KIR3DL1: variants seen among roughly 807,000 people sequenced by gnomAD.
The protein encoded by KIR3DL1 is killer cell immunoglobulin-like receptor 3DL1.
Under a neutral mutation model 40.3 loss-of-function variants are expected in KIR3DL1, and 50 were observed. The observed-to-expected ratio is 1.24, with a 90% confidence interval of 0.99 to 1.57. KIR3DL1 has a LOEUF of 1.57. Ranked by LOEUF, KIR3DL1 falls within the 40% of genes most tolerant of loss-of-function variation. The pLI, the probability that KIR3DL1 is intolerant of heterozygous loss-of-function variation, is 0.00. For missense variants in KIR3DL1, 661 were observed against 559.9 expected, an observed-to-expected ratio of 1.18 and a Z score of -1.82; for synonymous variants, 257 against 207.2, an observed-to-expected ratio of 1.24 and a Z score of -2.07.
Position 54,818,312 on chromosome 19 carries a change from C to G in KIR3DL1, c.71-3C>G, listed in dbSNP as rs1224815212. ...TCTAAGGCAGTGCCTCCTTCTCCCC[C>G]AGGTGGTCAGGACAAACCCTTCCTG... On this transcript the variant is annotated splice_region_variant and splice_polypyrimidine_tract_variant and intron_variant, in intron 2 of 8. Coordinates refer to ENST00000391728, the Ensembl canonical transcript of KIR3DL1. The G allele has an allele frequency of 1.3e-6, 2 of 1,596,618 alleles. No homozygotes were observed. Among genetic ancestry groups the G allele is most frequent in the South Asian group, 1.1e-5 (1 of 89,788 alleles).
chr19:54,819,721 A>G, exon 4 of KIR3DL1: 1 of 1,608,284 alleles, frequency 6.2e-7, no homozygotes. Flanking sequence ...AGGAAACCAC[A>G]GAAAACCTTC....
chr19:54,824,126 T>C (rs2061769671), intron 5 of KIR3DL1, among the ~76,000 whole-genome samples: 1 of 151,694 alleles, frequency 6.6e-6, no homozygotes, highest in Non-Finnish European at 1.5e-5. Flanking sequence ...ATTTTTTGCT[T>C]TGATTACTTG....
intron 4 of KIR3DL1, among the ~76,000 whole-genome samples, chr19:54,821,144 G>A (rs544083484): frequency 1.3e-5 from 2 of 150,270 alleles, no homozygotes; most frequent in South Asian, 4.3e-4. Context: ...TAGATAGACA[G>A]ACAGACAATT....
At chr19:54,826,554 A>G (rs1219832717) in intron 6 of KIR3DL1, among the ~76,000 whole-genome samples, 5 of 146,798 alleles carry the variant, frequency 3.4e-5, no homozygotes, top group South Asian at 2.2e-4. Flanking sequence ...TCCCAACCTC[A>G]AGTGATCCGA....
intron 5 of KIR3DL1, among the ~76,000 whole-genome samples, chr19:54,823,054 G>A (rs1268350075): frequency 1.4e-5 from 2 of 147,370 alleles, no homozygotes. Context: ...TCTTTTTTGA[G>A]AAAGAGTTTC....
In KIR3DL1 at chr19:54,818,301, T is replaced by G; in HGVS notation, c.71-14T>G. ...ACATCCTCCTCTCTAAGGCAGTGCC[T>G]CCTTCTCCCCCAGGTGGTCAGGACA... On this transcript the variant is annotated splice_polypyrimidine_tract_variant and intron_variant, in intron 2 of 8. Coordinates refer to ENST00000391728, the Ensembl canonical transcript of KIR3DL1. The G allele has an allele frequency of 6.3e-7, 1 of 1,593,200 alleles. No homozygotes were observed. Among genetic ancestry groups the G allele is most frequent in the Non-Finnish European group, 8.5e-7 (1 of 1,169,918 alleles).
chr19:54,821,970 G>C, intron 5 of KIR3DL1, 112 bp downstream of exon 5: 4 of 1,322,486 alleles, frequency 3.0e-6, no homozygotes, highest in Non-Finnish European at 4.2e-6. Flanking sequence ...AGACACAGCA[G>C]GTGTGAGGGC....
intron 6 of KIR3DL1, among the ~76,000 whole-genome samples, chr19:54,828,685 G>A (rs1432923316): frequency 6.7e-6 from 1 of 149,512 alleles, no homozygotes; most frequent in Non-Finnish European, 1.5e-5. Context: ...AGACAGCCCA[G>A]GCTGTTCTGG....
chr19:54,817,396 G>A (rs1601297325), intron 1 of KIR3DL1, 138 bp from the exon 2 acceptor site: 1 of 758,152 alleles, frequency 1.3e-6, no homozygotes, highest in East Asian at 3.1e-5. Flanking sequence ...CCTTGTTCCT[G>A]GGGGCAGGTA....
At chr19:54,820,109 G>A in intron 4 of KIR3DL1, 97 bp downstream of exon 4, 1 of 1,316,312 alleles carries the variant, frequency 7.6e-7, no homozygotes, top group Non-Finnish European at 1.1e-6. Flanking sequence ...AGATAAGTGT[G>A]GGATTCTTAT....
intron 4 of KIR3DL1, among the ~76,000 whole-genome samples, 153 bp from the exon 5 acceptor site, chr19:54,821,412 G>A (rs907631868): frequency 4.0e-5 from 6 of 150,630 alleles, no homozygotes; most frequent in African/African-American, 1.2e-4. Context: ...AAGGTAGAAG[G>A]AGGAAACAGA....
intron 3 of KIR3DL1, 136 bp downstream of exon 3, chr19:54,818,735 A>G: frequency 8.6e-7 from 1 of 1,157,028 alleles, no homozygotes; most frequent in Non-Finnish European, 1.2e-6. Context: ...TACAGGGGAA[A>G]TGGGTGCTGT....
rs1238792895 is a variant in KIR3DL1 at position 54,827,582 on chromosome 19, T to C, written c.1001-1779T>C. 2.7e-5 allele frequency among the ~76,000 whole-genome samples: 4 copies of C among 150,022 alleles called. 1 individual carries two copies. The highest frequency in any genetic ancestry group is 1.0e-4 in the African/African-American group (4 of 40,054). On this transcript the variant is annotated intron_variant, in intron 6 of 8. Transcript: ENST00000391728. ...GTGAGTGGAGATCGCATCACTGCAC[T>C]CCAGCCTGGGTGACACAAGGAGACT...
At chr19:54,825,672 T>A (rs577530957) in intron 6 of KIR3DL1, among the ~76,000 whole-genome samples, 1 of 150,608 alleles carries the variant, frequency 6.6e-6, no homozygotes, top group Non-Finnish European at 1.5e-5. Context: ...AACGGTTTTT[T>A]AATTATCTTA....
At chr19:54,823,281 C>G (rs1364169592) in intron 5 of KIR3DL1, among the ~76,000 whole-genome samples, 4 of 151,032 alleles carry the variant, frequency 2.6e-5, no homozygotes, top group Non-Finnish European at 5.9e-5. Context: ...AAGTGAGGTG[C>G]CTGCCTCGGT....
chr19:54,821,764 C>T, exon 5 of KIR3DL1: 2 of 1,607,922 alleles, frequency 1.2e-6, no homozygotes, highest in Non-Finnish European at 1.7e-6. Context: ...TGGGCCCTGC[C>T]ACCCACGGAG....
chr19:54,820,359 C>T (rs2061573538), intron 4 of KIR3DL1, among the ~76,000 whole-genome samples: 1 of 151,506 alleles, frequency 6.6e-6, no homozygotes, highest in Non-Finnish European at 1.5e-5. Flanking sequence ...GTTTTACCTC[C>T]ACAAAGTGTT....
At chr19:54,828,540 GA>G (rs1371130750) in intron 6 of KIR3DL1, among the ~76,000 whole-genome samples, 5 of 151,050 alleles carry the variant, frequency 3.3e-5, no homozygotes, top group African/African-American at 1.2e-4. Context: ...AGCTGCTCGA[GA>G]CATGTGGAGT....
chr19:54,828,374 C>T (rs1601429023), intron 6 of KIR3DL1, among the ~76,000 whole-genome samples: 1 of 151,448 alleles, frequency 6.6e-6, no homozygotes, highest in East Asian at 1.9e-4. Flanking sequence ...TGGACTGCAC[C>T]TGGGCCTATG....
Sources: allele counts gnomAD v4.1 joint callset (sites outside exome capture counted in the v4.1 genomes callset), GRCh38; gene constraint gnomAD v4.1.1; transcripts MANE v1.5; gene names NCBI Gene and HGNC (gene_info 2026-07-23, HGNC 2026-07-21).